C1orf87: variants seen among roughly 807,000 people sequenced by gnomAD.
The protein encoded by C1orf87 is uncharacterized protein C1orf87.
In C1orf87, 58 loss-of-function variants were observed where a neutral mutation model predicts 60.5. The observed-to-expected ratio is 0.96, with a 90% CI of 0.78 to 1.19. The LOEUF (loss-of-function observed/expected upper bound fraction) is 1.19. C1orf87 is among the 50% of genes most tolerant of loss of function. The pLI, the probability that C1orf87 is intolerant of heterozygous loss-of-function variation, is 0.00. For missense variants in C1orf87, 673 were observed against 638.6 expected (o/e 1.05, Z -0.58); for synonymous variants, 236 against 227.4 (o/e 1.04, Z -0.34).
chr1:60,065,722 C>A (rs1211787789), intron 2 of C1orf87, among the ~76,000 whole-genome samples: 1 of 152,056 alleles, frequency 6.6e-6, no homozygotes, highest in Non-Finnish European at 1.5e-5. Flanking sequence ...GAGTTTAAGA[C>A]AAGTCACAAA....
intron 3 of C1orf87, among the ~76,000 whole-genome samples, chr1:60,053,185 T>C (rs1442384219): frequency 6.6e-6 from 1 of 152,216 alleles, no homozygotes; most frequent in Non-Finnish European, 1.5e-5. Context: ...GATGTCTATA[T>C]ATAAGAGAAA....
chr1:60,020,092 T>C (rs1645152093), intron 8 of C1orf87, among the ~76,000 whole-genome samples: 2 of 152,140 alleles, frequency 1.3e-5, no homozygotes, highest in Admixed American at 6.5e-5. Context: ...GGAAAATGTC[T>C]CTAGGTCATT....
chr1:60,059,854 G>A (rs1645482525), intron 2 of C1orf87, among the ~76,000 whole-genome samples: 1 of 152,158 alleles, frequency 6.6e-6, no homozygotes, highest in South Asian at 2.1e-4. Flanking sequence ...CCAACACAGT[G>A]AATGGGGATC....
chr1:60,072,136 T>C (rs538363469), intron 2 of C1orf87, among the ~76,000 whole-genome samples: 14 of 152,314 alleles, frequency 9.2e-5, no homozygotes, highest in African/African-American at 3.4e-4. Flanking sequence ...AACCTTACAA[T>C]TTATGATTCT....
Position 60,008,179 on chromosome 1 carries a change from C to T in C1orf87, c.1192+2213G>A, listed in dbSNP as rs188597689. 4.6e-5 allele frequency among the ~76,000 whole-genome samples: 7 copies of T among 152,046 alleles called. No homozygotes were observed. In the East Asian group the frequency reaches 1.2e-3, roughly 25 times the overall value. On this transcript the variant is annotated intron_variant, in intron 9 of 11. Transcript: ENST00000371201. ...AACTCTGTAGTTCTGGAGAGTGACA[C>T]GTTGCCTATAAAAATTAGTGATGTG...
At chr1:60,019,310 T>A (rs1312261462) in intron 8 of C1orf87, among the ~76,000 whole-genome samples, 5 of 152,222 alleles carry the variant, frequency 3.3e-5, no homozygotes, top group African/African-American at 1.2e-4. Context: ...GCTTGCCCTT[T>A]ACCTTTTGCC....
intron 2 of C1orf87, among the ~76,000 whole-genome samples, chr1:60,058,263 A>AT (rs1645471073): frequency 6.6e-6 from 1 of 152,170 alleles, no homozygotes; most frequent in Non-Finnish European, 1.5e-5. Flanking sequence ...TGCTGGTACT[A>AT]TTTTGTTTCT....
intron 10 of C1orf87, among the ~76,000 whole-genome samples, chr1:59,999,107 G>A (rs1318376309): frequency 6.6e-6 from 1 of 152,118 alleles, no homozygotes; most frequent in African/African-American, 2.4e-5. Flanking sequence ...TATAAGCTGT[G>A]AGAATCCCAG....
chr1:60,006,778 C>T (rs933834493), intron 9 of C1orf87, among the ~76,000 whole-genome samples: 3 of 152,016 alleles, frequency 2.0e-5, no homozygotes, highest in African/African-American at 7.2e-5. Context: ...AGATCTGTGG[C>T]TTAAGGTCTT....
intron 9 of C1orf87, chr1:60,008,999 T>C (rs144425418): frequency 5.2e-6 from 1 of 191,034 alleles, no homozygotes; most frequent in Non-Finnish European, 1.1e-5. Context: ...CTTTCTACAG[T>C]TACTAATGTC....
chr1:60,061,806 C>G (rs1212510344), intron 2 of C1orf87, among the ~76,000 whole-genome samples: 7 of 86,910 alleles, frequency 8.1e-5, no homozygotes, highest in Non-Finnish European at 1.3e-4. Flanking sequence ...AAAAAAATAG[C>G]TGGGCTTTGT....
At chr1:60,031,620 T>C (rs1645238327) in intron 7 of C1orf87, among the ~76,000 whole-genome samples, 1 of 152,176 alleles carries the variant, frequency 6.6e-6, no homozygotes, top group African/African-American at 2.4e-5. Flanking sequence ...ATAAATCAGA[T>C]AGTATGCTAA....
intron 7 of C1orf87, among the ~76,000 whole-genome samples, chr1:60,030,383 G>A (rs1029146721): frequency 7.2e-5 from 11 of 152,190 alleles, no homozygotes; most frequent in African/African-American, 2.7e-4. Flanking sequence ...TACAGAAGGA[G>A]GTCTTACAGT....
chr1:60,056,936 AT>A (rs2100321446), intron 2 of C1orf87, among the ~76,000 whole-genome samples: 1 of 152,284 alleles, frequency 6.6e-6, no homozygotes, highest in Non-Finnish European at 1.5e-5. Context: ...TTGAACTCCA[AT>A]ACTTGTTGAT....
chr1:60,069,022 A>G (rs116500227), intron 2 of C1orf87, among the ~76,000 whole-genome samples: 2,374 of 152,244 alleles, frequency 0.016, 22 homozygotes, highest in Non-Finnish European at 0.023. Context: ...ATAGGCTTTT[A>G]CCATGTACAA....
At chr1:60,064,194 A>G (rs1241760880) in intron 2 of C1orf87, among the ~76,000 whole-genome samples, 1 of 137,608 alleles carries the variant, frequency 7.3e-6, no homozygotes, top group Admixed American at 7.3e-5. Context: ...GTGATGGCCT[A>G]TTGTGGAACT....
chr1:60,039,668 A>T (rs1645304664), intron 5 of C1orf87, among the ~76,000 whole-genome samples: 1 of 152,246 alleles, frequency 6.6e-6, no homozygotes, highest in South Asian at 2.1e-4. Context: ...TAACATTGTT[A>T]AAAGCTGACA....
Position 59,998,141 on chromosome 1 carries a change from G to A in C1orf87, c.1273-325C>T, listed in dbSNP as rs140023124. On this transcript the variant is annotated intron_variant, in intron 10 of 11. Coordinates refer to ENST00000371201, the MANE Select transcript of C1orf87 (RefSeq NM_152377.3). ...TTCTACTCTGTTTTGTACTAGTGGG[G>A]TCTGCAGGGGGTAGACTTCAGACAA... Among the ~76,000 whole-genome samples, 103 of 152,270 alleles carry A rather than the reference G, an allele frequency of 6.8e-4. 2 individuals carry two copies. In the East Asian group the frequency reaches 0.015, roughly 22 times the overall value.
intron 3 of C1orf87, among the ~76,000 whole-genome samples, chr1:60,049,189 AT>A (rs1055154541): frequency 5.9e-5 from 9 of 151,884 alleles, no homozygotes; most frequent in African/African-American, 1.9e-4. Flanking sequence ...TTCCATTTAA[AT>A]TTTTTTCTAT....
Sources: gnomAD v4.1 joint callset for allele counts (sites outside exome capture counted in the v4.1 genomes callset) on GRCh38, gnomAD v4.1.1 for gene constraint, MANE v1.5 for transcripts, NCBI Gene and HGNC (gene_info 2026-07-23, HGNC 2026-07-21) for gene names.